Variants in ABCC10 observed in about 807,000 individuals in gnomAD.
The protein encoded by ABCC10 is ATP binding cassette subfamily C member 10.
A neutral mutation model predicts 143.2 loss-of-function variants in ABCC10; 110 were observed. That is an observed-to-expected ratio of 0.77 (90% CI 0.66 to 0.90). The LOEUF (loss-of-function observed/expected upper bound fraction) is 0.90, where lower values mean the gene tolerates loss of function less well. Ranked by LOEUF, ABCC10 falls within the 40% of genes least tolerant of loss-of-function variation. The pLI is 0.00. For synonymous variants in ABCC10, 805 were observed against 846.7 expected (o/e 0.95, Z 0.85); for missense variants, 1,700 against 1,900.5 (o/e 0.89, Z 1.96).
intron 3 of ABCC10, 42 bp from the exon 4 acceptor site, chr6:43,434,579 A>G: frequency 6.4e-7 from 1 of 1,555,572 alleles, no homozygotes; most frequent in Non-Finnish European, 8.8e-7. Context: ...ACACATGAGC[A>G]GTGCCTCCAC....
chr6:43,437,804 A>G (rs1781911209), intron 6 of ABCC10, 130 bp from the exon 7 acceptor site: 9 of 845,450 alleles, frequency 1.1e-5, no homozygotes, highest in Non-Finnish European at 1.5e-5. Context: ...TTCTTTCCCT[A>G]CACACTAAAG....
intron 12 of ABCC10, 90 bp downstream of exon 12, chr6:43,444,443 A>T: frequency 1.4e-6 from 2 of 1,413,512 alleles, no homozygotes; most frequent in Non-Finnish European, 1.9e-6. Context: ...AAGCCCAGAG[A>T]CTCACCAAGC....
rs367842952 is a variant in ABCC10 at position 43,437,875 on chromosome 6, C to T, written c.1876-59C>T. On this transcript the variant is annotated intron_variant, in intron 6 of 21. Coordinates refer to ENST00000372530, the MANE Select transcript of ABCC10 (RefSeq NM_001198934.2). ...CAGCCCAGAGTGTCAAGAGGGAGAC[C>T]ACTGCCACCTCTGTCCTGTCTCCTA... is the stretch of plus-strand genomic sequence containing the variant. 67 of 1,542,832 alleles carry T rather than the reference C, an allele frequency of 4.3e-5. No homozygotes were observed. The African/African-American group carries it at 7.8e-4, about 18-fold the overall frequency.
chr6:43,434,944 G>A, intron 4 of ABCC10, 96 bp downstream of exon 4: 1 of 1,323,938 alleles, frequency 7.6e-7, no homozygotes, highest in Admixed American at 2.0e-5. Context: ...AAGGAGGGAG[G>A]GATCCCTGAC....
At chr6:43,445,073 C>T in intron 13 of ABCC10, 52 bp from the exon 14 acceptor site, 4 of 1,600,008 alleles carry the variant, frequency 2.5e-6, no homozygotes, top group Non-Finnish European at 3.4e-6. Flanking sequence ...GGAGAAAGGA[C>T]CCCCGAGTGG....
At chr6:43,437,149 T>G (rs1015721588) in intron 6 of ABCC10, among the ~76,000 whole-genome samples, 1 of 152,192 alleles carries the variant, frequency 6.6e-6, no homozygotes, top group Admixed American at 6.5e-5. Flanking sequence ...CTCTTCTCTC[T>G]GTGGACACAC....
intron 2 of ABCC10, among the ~76,000 whole-genome samples, chr6:43,428,694 A>C (rs1014001569): frequency 6.6e-6 from 1 of 152,132 alleles, no homozygotes; most frequent in African/African-American, 2.4e-5. Context: ...ACTCAACTTG[A>C]TTTTGTATTT....
intron 2 of ABCC10, among the ~76,000 whole-genome samples, chr6:43,429,372 T>TGTGTGTGTGTGTGTG (rs1554200963): frequency 2.0e-5 from 2 of 98,186 alleles, no homozygotes; most frequent in Non-Finnish European, 3.7e-5. Context: ...CTTTTCTTTC[T>TGTGTGTGTGTGTGTG]TGTGTGTGTG....
In ABCC10 at chr6:43,441,926, G is replaced by C. The variant is rs202093450; in HGVS notation, c.2192G>C (p.Arg731Pro). 2 of 1,613,838 alleles carry C rather than the reference G, an allele frequency of 1.2e-6. No individual in the cohort carries two copies. Among genetic ancestry groups the C allele is most frequent in the Admixed American group, 3.3e-5 (2 of 60,000 alleles). Residue 731 changes from arginine to proline, a missense_variant, in exon 9 of 22, where the codon CGT becomes CCT. Transcript: ENST00000372530. ...EKGVTLSGGQ[R>P]ARIALARAVY... ...GGTGTCACCCTTAGCGGAGGACAGCGTGCCCGGATTGCCCTTGCTCGTGCT... is the reference window on the plus strand; with the variant it reads ...GGTGTCACCCTTAGCGGAGGACAGCCTGCCCGGATTGCCCTTGCTCGTGCT...
Position 43,433,241 on chromosome 6 carries a change from G to T in ABCC10, c.1261G>T (p.Val421Leu). 6.2e-7 allele frequency: 1 copy of T among 1,614,176 alleles called. No individual in the cohort carries two copies. Among genetic ancestry groups the T allele is most frequent in the Non-Finnish European group, 8.5e-7 (1 of 1,180,008 alleles). ...CTACCTGCTGTACCAGCAGGTAGGCGTGGCCTTCGTGGGTGGTCTCATCTT... is the reference window on the plus strand; with the variant it reads ...CTACCTGCTGTACCAGCAGGTAGGCTTGGCCTTCGTGGGTGGTCTCATCTT... ...TLYLLYQQVGVAFVGGLILAL... is the reference protein window; with the variant it reads ...TLYLLYQQVGLAFVGGLILAL... The change falls in exon 3 of 22, where the codon GTG (valine) becomes TTG (leucine). Residue 421 changes from valine to leucine, a missense_variant. Coordinates refer to ENST00000372530, the MANE Select transcript of ABCC10 (RefSeq NM_001198934.2).
intron 2 of ABCC10, among the ~76,000 whole-genome samples, chr6:43,428,378 C>T (rs898090495): frequency 2.6e-5 from 4 of 152,140 alleles, no homozygotes; most frequent in African/African-American, 7.2e-5. Context: ...TATAGTGCAG[C>T]GCCTGGCATG....
chr6:43,448,676 G>C (rs1783405269), intron 18 of ABCC10, among the ~76,000 whole-genome samples: 3 of 152,140 alleles, frequency 2.0e-5, no homozygotes, highest in Non-Finnish European at 4.4e-5. Flanking sequence ...TGGTTTCTTT[G>C]GTATTGCTCA....
rs143389889 is a variant in ABCC10, at chr6:43,439,730, C to T, written c.2127+935C>T. On this transcript the variant is annotated intron_variant, in intron 8 of 21. Coordinates refer to ENST00000372530, the MANE Select transcript of ABCC10 (RefSeq NM_001198934.2). ...TCTCGAGTAGCTGGGACTACAGCTG[C>T]GTGCCACCATGCCCAGCTAATTTTT... is the stretch of plus-strand genomic sequence containing the variant. 2.8e-3 allele frequency among the ~76,000 whole-genome samples: 417 copies of T among 151,228 alleles called. 4 individuals carry two copies. Among genetic ancestry groups the T allele is most frequent in the East Asian group, 0.024 (120 of 5,048 alleles).
chr6:43,449,143 G>A lies in ABCC10; in HGVS notation c.4142G>A (p.Ser1381Asn), dbSNP rs1165184561. ...LDGELGEGGR[S>N]LSLGQRQLLC... ...GGTGAGCTGGGTGAGGGGGGCCGGA[G>A]CTTATCTCTTGGGCAGAGGCAGCTG... Residue 1381 changes from serine to asparagine, a missense_variant, in exon 20 of 22, where the codon AGC becomes AAC. Ser to Asn is a conservative substitution (Grantham distance 46). Transcript: ENST00000372530. 2 of 1,614,060 alleles carry A rather than the reference G, an allele frequency of 1.2e-6. No individual in the cohort carries two copies. Among genetic ancestry groups the A allele is most frequent in the African/African-American group, 2.7e-5 (2 of 74,920 alleles).
In ABCC10 at chr6:43,432,219, C is replaced by G; in HGVS notation, c.239C>G (p.Pro80Arg). The G allele has an allele frequency of 1.9e-6, 3 of 1,614,218 alleles. No individual in the cohort carries two copies. Among genetic ancestry groups the G allele is most frequent in the Non-Finnish European group, 2.5e-6 (3 of 1,180,042 alleles). ...GCTTCCTTCCTGCTTTCCGTCTTCC[C>G]GCTGCTAGACCTTCTTCCAGTTGCT... is the stretch of plus-strand genomic sequence containing the variant. ...LAASFLLSVF[P>R]LLDLLPVALP... The change falls in exon 3 of 22, where the codon CCG becomes CGG. Residue 80 changes from proline to arginine, a missense_variant. Transcript: ENST00000372530.
Position 43,448,090 on chromosome 6 carries a change from G to C in ABCC10, c.3959+153G>C, listed in dbSNP as rs544293306. 2.5e-6 allele frequency: 3 copies of C among 1,221,392 alleles called. No individual in the cohort carries two copies. In the South Asian group the frequency reaches 3.9e-5, roughly 16 times the overall value. 75.7% of individuals were successfully genotyped at this position (1,221,392 alleles called of 1,614,324 possible). On this transcript the variant is annotated intron_variant, in intron 18 of 21. Transcript: ENST00000372530. ...GACAGGATGAGCAGGCAAGGACAGC[G>C]AACTCCTAGTGCCCAGGTCCAGATT...
chr6:43,446,830 G>C (rs1657339873), intron 16 of ABCC10: 1 of 1,126,618 alleles, frequency 8.9e-7, no homozygotes, highest in Admixed American at 4.6e-5. Flanking sequence ...TCACCCTCCT[G>C]CTTCTCTGTT....
chr6:43,443,272 G>A lies in ABCC10; in HGVS notation c.2416+113G>A. 2.7e-6 allele frequency: 3 copies of A among 1,117,298 alleles called. No homozygotes were observed. Among genetic ancestry groups the A allele is most frequent in the Non-Finnish European group, 1.2e-6 (1 of 821,024 alleles). The allele number at this position is 1,117,298 out of a possible 1,614,324, so 69.2% of individuals were successfully genotyped here. A position where few individuals can be genotyped will look rare whatever the true frequency, so the allele number is the denominator to read the frequency against. On this transcript the variant is annotated intron_variant, in intron 10 of 21. Transcript: ENST00000372530. This position sits in a 1 kb window ranked among gnomAD's most constrained non-coding sequence, Gnocchi z 4.2. ...TGTGTGCCCTGAGCCAGTCATTGCT[G>A]CCTCCCGCCTTCACAGAACTGGTGT...
At chr6:43,450,516 G>A (rs1783646289), downstream of ABCC10, 3 of 1,527,270 alleles carry the variant, frequency 2.0e-6, no homozygotes, top group East Asian at 2.3e-5. This position sits in a 1 kb window ranked among gnomAD's most constrained non-coding sequence, Gnocchi z 4.5. Context: ...GTGAGGAAGG[G>A]GGCCAGAAAG....
Sources: gnomAD v4.1 joint callset for allele counts (sites outside exome capture counted in the v4.1 genomes callset) on GRCh38, gnomAD v4.1.1 for gene constraint, Gnocchi (gnomAD v3.1) non-coding constraint, MANE v1.5 for transcripts, NCBI Gene and HGNC (gene_info 2026-07-23, HGNC 2026-07-21) for gene names.